Variants in COL5A1 observed in about 807,000 individuals in gnomAD.
COL5A1 encodes collagen alpha-1(V) chain.
Under a neutral mutation model 263.7 loss-of-function variants are expected in COL5A1, and 16 were observed. That is an observed-to-expected ratio of 0.06 (90% CI 0.04 to 0.09). The LOEUF is 0.09. COL5A1 is among the 10% of genes least tolerant of loss of function. The probability of loss-of-function intolerance (pLI) is 1.00; values close to 1 mark genes in which losing one functional copy is unlikely to be tolerated. For synonymous variants in COL5A1, 1,012 were observed against 1,004.5 expected (o/e 1.01, Z -0.14); for missense variants, 2,036 against 2,540.5 (o/e 0.80, Z 4.27).
At chr9:134,735,588 C>G (rs937807085) in intron 9 of COL5A1, among the ~76,000 whole-genome samples, 3 of 152,160 alleles carry the variant, frequency 2.0e-5, no homozygotes, top group Non-Finnish European at 4.4e-5. Context: ...CTGGGATGAT[C>G]TGGTGTTGGC....
At chr9:134,685,276 A>G (rs1393328852) in intron 1 of COL5A1, among the ~76,000 whole-genome samples, 1 of 146,996 alleles carries the variant, frequency 6.8e-6, no homozygotes. Context: ...TAAGTCATCC[A>G]TCCATCCATC....
At chr9:134,810,419 G>A (rs1215494239) in intron 44 of COL5A1, 111 bp downstream of exon 44, 21 of 1,049,036 alleles carry the variant, frequency 2.0e-5, no homozygotes, top group Middle Eastern at 2.8e-4. Flanking sequence ...GATGACTAGC[G>A]GGACATGCTG....
At chr9:134,708,651 C>T (rs371325625) in intron 4 of COL5A1, 1 of 518,748 alleles carries the variant, frequency 1.9e-6, no homozygotes, top group Non-Finnish European at 3.8e-6. Context: ...GGCAGAGGCC[C>T]CTTGTCGTGT....
chr9:134,796,427 C>G lies in COL5A1; in HGVS notation c.2844+9C>G. 6.2e-7 allele frequency: 1 copy of G among 1,614,060 alleles called. No individual in the cohort carries two copies. The highest frequency in any genetic ancestry group is 1.3e-5 in the African/African-American group (1 of 75,068). The stretch of plus-strand genomic sequence containing the variant: ...GCCCTCCTGGTGAACGGGTAAGCAG[C>G]TGGAGCCTTCGGGGGTGTCTCCAAG... On this transcript the variant is annotated intron_variant, in intron 35 of 65. Transcript: ENST00000371817.
rs1429620014 is a variant in COL5A1, at chr9:134,844,530, C to T, written c.*2227C>T. The T allele has an allele frequency of 2.6e-5, 4 of 152,310 alleles. No individual in the cohort carries two copies. Among genetic ancestry groups the T allele is most frequent in the Admixed American group, 2.6e-4 (4 of 15,264 alleles). 9.4% of individuals were successfully genotyped at this position (152,310 alleles called of 1,614,324 possible). On this transcript the variant is annotated 3_prime_UTR_variant, in exon 66 of 66. Coordinates refer to ENST00000371817, the MANE Select transcript of COL5A1 (RefSeq NM_000093.5). Reference sequence around the variant, plus strand: ...GCCACAGTATATTGCAATAAAATTACTTCTTATATTTGCAGAAATTCTTTT... The same window carrying T: ...GCCACAGTATATTGCAATAAAATTATTTCTTATATTTGCAGAAATTCTTTT...
Position 134,836,201 on chromosome 9 carries a change from TTG to T in COL5A1, c.5370+1002_5370+1003del, listed in dbSNP as rs573427075. On this transcript the variant is annotated intron_variant, in intron 65 of 65. Transcript: ENST00000371817. ...AGCTCTGCAGGCTGTCCAGGAATCG[TTG>T]TGTGGTGCCAGCATCTGCGTCCAGT... Among the ~76,000 whole-genome samples the T allele has an allele frequency of 1.4e-4, 21 of 151,712 alleles. No individual in the cohort carries two copies. The East Asian group carries it at 3.7e-3, about 27-fold the overall frequency.
chr9:134,690,684 C>T (rs1172539368), intron 1 of COL5A1, among the ~76,000 whole-genome samples: 4 of 152,180 alleles, frequency 2.6e-5, no homozygotes, highest in African/African-American at 7.2e-5. Context: ...TAGCCTGGGT[C>T]TGCCCCCGGT....
intron 2 of COL5A1, among the ~76,000 whole-genome samples, chr9:134,693,114 C>T (rs1208135391): frequency 1.3e-5 from 2 of 152,002 alleles, no homozygotes; most frequent in African/African-American, 4.8e-5. Flanking sequence ...GGCCTTCCAG[C>T]AGTTTCTGCA....
intron 1 of COL5A1, among the ~76,000 whole-genome samples, chr9:134,667,873 G>T (rs1441205800): frequency 6.6e-6 from 1 of 152,228 alleles, no homozygotes; most frequent in African/African-American, 2.4e-5. Context: ...TTTGTGTCTT[G>T]TTTCTATGCA....
chr9:134,655,389 G>C (rs988877402), intron 1 of COL5A1, among the ~76,000 whole-genome samples: 1 of 152,004 alleles, frequency 6.6e-6, no homozygotes, highest in African/African-American at 2.4e-5. Context: ...GAGGGCGGCT[G>C]TGTCCCATAC....
At chr9:134,800,161 C>T (rs140791571) in intron 37 of COL5A1, among the ~76,000 whole-genome samples, 84 of 152,342 alleles carry the variant, frequency 5.5e-4, no homozygotes, top group East Asian at 2.1e-3. Flanking sequence ...TATTTCTCAG[C>T]AAAGGGCTAA....
chr9:134,810,146 C>T, intron 43 of COL5A1, 109 bp from the exon 44 acceptor site: 1 of 1,223,730 alleles, frequency 8.2e-7, no homozygotes, highest in South Asian at 1.2e-5. Context: ...TTTAGGGCCA[C>T]CTGGAAAGGA....
chr9:134,698,869 C>A (rs1833573096), intron 2 of COL5A1, among the ~76,000 whole-genome samples: 1 of 152,234 alleles, frequency 6.6e-6, no homozygotes, highest in African/African-American at 2.4e-5. Flanking sequence ...CCACCAGATC[C>A]CAGCCCTCCG....
intron 4 of COL5A1, among the ~76,000 whole-genome samples, chr9:134,707,735 T>C (rs1833886863): frequency 6.6e-6 from 1 of 152,222 alleles, no homozygotes; most frequent in Admixed American, 6.5e-5. Flanking sequence ...TGTTGCTCAC[T>C]GGCTTGCTGA....
chr9:134,643,495 C>CT (rs1377250406), intron 1 of COL5A1, among the ~76,000 whole-genome samples: 1 of 152,150 alleles, frequency 6.6e-6, no homozygotes, highest in Non-Finnish European at 1.5e-5. Flanking sequence ...CACTCTTTTC[C>CT]TTTTTCCCTG....
rs1488821649 is a variant in COL5A1, at chr9:134,681,434, G to A, written c.110-9478G>A. Among the ~76,000 whole-genome samples the A allele has an allele frequency of 6.6e-6, 1 of 152,242 alleles. No individual in the cohort carries two copies. The highest frequency in any genetic ancestry group is 1.5e-5 in the Non-Finnish European group (1 of 68,044). On this transcript the variant is annotated intron_variant, in intron 1 of 65. Transcript: ENST00000371817. The surrounding 1 kb of genome is among the most constrained non-coding windows in gnomAD (Gnocchi z 4.3). Reference sequence around the variant, plus strand: ...CCTGCAGTTCACAGCCCGTGGAGGAGACACACGCTGCCCATGGAACACACA... The same window carrying A: ...CCTGCAGTTCACAGCCCGTGGAGGAAACACACGCTGCCCATGGAACACACA...
chr9:134,689,331 A>G (rs59183620), intron 1 of COL5A1, among the ~76,000 whole-genome samples: 5,186 of 152,190 alleles, frequency 0.034, 212 homozygotes, highest in African/African-American at 0.1. Context: ...GCTGATCACC[A>G]TTCCTCCCTG....
intron 4 of COL5A1, among the ~76,000 whole-genome samples, chr9:134,721,778 G>T (rs1004287304): frequency 1.3e-5 from 2 of 152,234 alleles, no homozygotes; most frequent in Non-Finnish European, 2.9e-5. Context: ...GGAGGCATCC[G>T]CTCTGTCTTG....
At chr9:134,709,161 C>T (rs574139312) in intron 4 of COL5A1, 28 of 355,734 alleles carry the variant, frequency 7.9e-5, no homozygotes, top group Non-Finnish European at 1.6e-4. Context: ...ATGATTCAGC[C>T]ACTTCCCTAC....
Sources: allele counts gnomAD v4.1 joint callset (sites outside exome capture counted in the v4.1 genomes callset), GRCh38; gene constraint gnomAD v4.1.1; non-coding constraint Gnocchi (gnomAD v3.1); transcripts MANE v1.5; gene names NCBI Gene and HGNC (gene_info 2026-07-23, HGNC 2026-07-21).